IQCH: variants seen among roughly 807,000 people sequenced by gnomAD.
IQCH encodes IQ motif containing H, also known as IQ domain-containing protein H.
IQCH carries 98 observed loss-of-function variants against 117.0 expected under a neutral mutation model. The ratio of observed to expected loss-of-function variants is 0.84; its 90% confidence interval spans 0.71 to 0.99. IQCH has a LOEUF of 0.99. Ranked by LOEUF, IQCH falls within the 50% of genes least tolerant of loss-of-function variation. IQCH has a pLI of 0.00. For missense variants in IQCH, 1,102 were observed against 1,243.8 expected, an observed-to-expected ratio of 0.89 and a Z score of 1.72; for synonymous variants, 412 against 448.2, an observed-to-expected ratio of 0.92 and a Z score of 1.02.
rs910037749 is a variant in IQCH at position 67,369,561 on chromosome 15, G to A, written c.754-2550G>A. ...AGGAGGGAGGGAGGAAGGAAGAAAA[G>A]GAAGGAGGGAGGAAAGAAGGCAGAG... On this transcript the variant is annotated intron_variant, in intron 8 of 20. Transcript: ENST00000335894. The surrounding 1 kb of genome is among the most constrained non-coding windows in gnomAD (Gnocchi z 5.2). Among the ~76,000 whole-genome samples the A allele has an allele frequency of 2.0e-5, 3 of 151,472 alleles. No individual in the cohort carries two copies. The highest frequency in any genetic ancestry group is 2.9e-5 in the Non-Finnish European group (2 of 67,882).
At position 67,479,393 on chromosome 15, in the gene IQCH, T is replaced by C. The variant is rs1041701138; in HGVS notation, c.2799+3575T>C. On this transcript the variant is annotated intron_variant, in intron 18 of 20. Coordinates refer to ENST00000335894, the MANE Select transcript of IQCH (RefSeq NM_001031715.3). This position sits in a 1 kb window ranked among gnomAD's most constrained non-coding sequence, Gnocchi z 4.6. ...ATGATTCTTCGTCTTACACAAGGTG[T>C]CCCCTATATAAGCCCTTTTCCCCCT... Among the ~76,000 whole-genome samples the C allele has an allele frequency of 6.6e-6, 1 of 152,158 alleles. No homozygotes were observed. Among genetic ancestry groups the C allele is most frequent in the Non-Finnish European group, 1.5e-5 (1 of 68,038 alleles).
At position 67,422,173 on chromosome 15, in the gene IQCH, T is replaced by C. The variant is rs1004597495; in HGVS notation, c.2505+596T>C. ...TCTTTTGATTAGGCCCTCAATTCTG[T>C]CCATTAGTGTTATCCCTATGTATCA... On this transcript the variant is annotated intron_variant, in intron 16 of 20. Coordinates refer to ENST00000335894, the MANE Select transcript of IQCH (RefSeq NM_001031715.3). This position sits in a 1 kb window ranked among gnomAD's most constrained non-coding sequence, Gnocchi z 4.7. 6.6e-6 allele frequency among the ~76,000 whole-genome samples: 1 copy of C among 152,024 alleles called. No individual in the cohort carries two copies. Among genetic ancestry groups the C allele is most frequent in the African/African-American group, 2.4e-5 (1 of 41,396 alleles).
intron 4 of IQCH, among the ~76,000 whole-genome samples, chr15:67,285,763 G>A (rs1966539078): frequency 6.6e-6 from 1 of 152,006 alleles, no homozygotes; most frequent in Middle Eastern, 3.2e-3. Context: ...GAGAGTTGTA[G>A]GTGTGCAGTC....
rs1266411792 is a variant in IQCH at position 67,459,296 on chromosome 15, G to A, written c.2506-5831G>A. ...CTGAAATCCTGATTCTTCAGTGAGT[G>A]TTATTTGATCTATAAATTAGTCTCT... On this transcript the variant is annotated intron_variant, in intron 16 of 20. Coordinates refer to ENST00000335894, the MANE Select transcript of IQCH (RefSeq NM_001031715.3). The surrounding 1 kb of genome is among the most constrained non-coding windows in gnomAD (Gnocchi z 4.2). Among the ~76,000 whole-genome samples, 1 of 152,188 alleles carries A rather than the reference G, an allele frequency of 6.6e-6. No individual in the cohort carries two copies. The highest frequency in any genetic ancestry group is 1.5e-5 in the Non-Finnish European group (1 of 68,034).
chr15:67,309,966 A>G (rs2140557920), intron 4 of IQCH, among the ~76,000 whole-genome samples: 1 of 151,174 alleles, frequency 6.6e-6, no homozygotes, highest in Middle Eastern at 3.4e-3. Context: ...CTGGCACATA[A>G]TGGGTACCTA....
At position 67,370,065 on chromosome 15, in the gene IQCH, G is replaced by A. The variant is rs1388198558; in HGVS notation, c.754-2046G>A. On this transcript the variant is annotated intron_variant, in intron 8 of 20. Transcript: ENST00000335894. This position sits in a 1 kb window ranked among gnomAD's most constrained non-coding sequence, Gnocchi z 5.6. ...AAATTTTGCTCCCACTGCCACCCAA[G>A]GCTGTTCTTTCAGAAGGTCTAAAAT... 2.6e-5 allele frequency among the ~76,000 whole-genome samples: 4 copies of A among 152,148 alleles called. No individual in the cohort carries two copies. The highest frequency in any genetic ancestry group is 5.9e-5 in the Non-Finnish European group (4 of 68,032).
At chr15:67,286,608 T>TTATG (rs1966571600) in intron 4 of IQCH, among the ~76,000 whole-genome samples, 4 of 99,524 alleles carry the variant, frequency 4.0e-5, no homozygotes, top group South Asian at 4.0e-4. Context: ...ATTTATTTAT[T>TTATG]TATTTATGTA....
rs1192359812 is a variant in IQCH at position 67,384,399 on chromosome 15, C to G, written c.1373-537C>G. Among the ~76,000 whole-genome samples, 2 of 152,116 alleles carry G rather than the reference C, an allele frequency of 1.3e-5. No individual in the cohort carries two copies. Among genetic ancestry groups the G allele is most frequent in the Non-Finnish European group, 2.9e-5 (2 of 68,010 alleles). On this transcript the variant is annotated intron_variant, in intron 10 of 20. Transcript: ENST00000335894. This position sits in a 1 kb window ranked among gnomAD's most constrained non-coding sequence, Gnocchi z 4.3. ...TGACAAAGTAACTGCATTAGCTCTT[C>G]TTGCCCTTTGAAAGTTAAAAGTTCT... is the stretch of plus-strand genomic sequence containing the variant.
intron 4 of IQCH, among the ~76,000 whole-genome samples, chr15:67,282,889 ATTGT>A (rs1966420471): frequency 6.6e-6 from 1 of 152,170 alleles, no homozygotes; most frequent in African/African-American, 2.4e-5. Context: ...GTAATTTAGA[ATTGT>A]TTATTAAGCC....
intron 4 of IQCH, among the ~76,000 whole-genome samples, chr15:67,334,577 C>T (rs978135840): frequency 2.6e-5 from 4 of 152,206 alleles, no homozygotes; most frequent in Non-Finnish European, 5.9e-5. Flanking sequence ...TTAACTTTGG[C>T]TACGCATCAG....
At position 67,432,095 on chromosome 15, in the gene IQCH, C is replaced by T. The variant is rs767300819; in HGVS notation, c.2505+10518C>T. Among the ~76,000 whole-genome samples the T allele has an allele frequency of 3.9e-5, 6 of 152,066 alleles. No homozygotes were observed. Among genetic ancestry groups the T allele is most frequent in the Admixed American group, 2.6e-4 (4 of 15,278 alleles). On this transcript the variant is annotated intron_variant, in intron 16 of 20. Coordinates refer to ENST00000335894, the MANE Select transcript of IQCH (RefSeq NM_001031715.3). The surrounding 1 kb of genome is among the most constrained non-coding windows in gnomAD (Gnocchi z 5.0). ...TAGATAATTGTGAACTTTGAAACAA[C>T]AATCTGTATTATAAGCATTGATAGT... is the stretch of plus-strand genomic sequence containing the variant.
intron 19 of IQCH, among the ~76,000 whole-genome samples, chr15:67,492,496 A>G (rs1296830115): frequency 6.6e-6 from 1 of 152,180 alleles, no homozygotes; most frequent in African/African-American, 2.4e-5. Context: ...CATCCTGAGA[A>G]GCAACCAGCT....
At position 67,387,510 on chromosome 15, in the gene IQCH, A is replaced by G. The variant is rs1971144630; in HGVS notation, c.1457-1321A>G. 6.6e-6 allele frequency among the ~76,000 whole-genome samples: 1 copy of G among 152,170 alleles called. No homozygotes were observed. Among genetic ancestry groups the G allele is most frequent in the African/African-American group, 2.4e-5 (1 of 41,450 alleles). The stretch of plus-strand genomic sequence containing the variant: ...TTAAGGAGCTTGGAAAGACAAGATT[A>G]ATAGATTGGAAACAATAGGATAGAA... On this transcript the variant is annotated intron_variant, in intron 11 of 20. Transcript: ENST00000335894. The surrounding 1 kb of genome is among the most constrained non-coding windows in gnomAD (Gnocchi z 4.8).
chr15:67,418,575 T>TA (rs1293776800), intron 15 of IQCH, among the ~76,000 whole-genome samples: 1 of 123,288 alleles, frequency 8.1e-6, no homozygotes, highest in Non-Finnish European at 1.8e-5. Flanking sequence ...AGGGTGTTTT[T>TA]ACTTTTTTTT....
intron 18 of IQCH, among the ~76,000 whole-genome samples, chr15:67,482,984 G>A (rs770292620): frequency 1.2e-4 from 19 of 152,260 alleles, no homozygotes; most frequent in Middle Eastern, 3.4e-3. Flanking sequence ...TGTTTTATGG[G>A]ATAAGAAAAA....
At chr15:67,259,366 C>T (rs969670282) in intron 1 of IQCH, among the ~76,000 whole-genome samples, 1 of 152,192 alleles carries the variant, frequency 6.6e-6, no homozygotes, top group East Asian at 1.9e-4. Flanking sequence ...ACCTCATTTT[C>T]ATTCAACAGT....
chr15:67,420,710 CAG>C (rs1177656979), intron 15 of IQCH, among the ~76,000 whole-genome samples: 2 of 152,206 alleles, frequency 1.3e-5, no homozygotes, highest in African/African-American at 4.8e-5. Context: ...TCATTATCAG[CAG>C]AGAGAGCATA....
In IQCH at chr15:67,342,053, T is replaced by C. The variant is rs1384534733; in HGVS notation, c.509-2010T>C. On this transcript the variant is annotated intron_variant, in intron 5 of 20. Coordinates refer to ENST00000335894, the MANE Select transcript of IQCH (RefSeq NM_001031715.3). This position sits in a 1 kb window ranked among gnomAD's most constrained non-coding sequence, Gnocchi z 4.7. The stretch of plus-strand genomic sequence containing the variant: ...TGGGAGGCCAAGGCAGGAAGATTGC[T>C]TGAAACCGGGAGTTCAAGACTAGCC... Among the ~76,000 whole-genome samples, 1 of 151,942 alleles carries C rather than the reference T, an allele frequency of 6.6e-6. No homozygotes were observed. The highest frequency in any genetic ancestry group is 1.9e-4 in the East Asian group (1 of 5,176).
chr15:67,388,895 C>T lies in IQCH; in HGVS notation c.1521C>T (p.Tyr507=), dbSNP rs138548169. The change falls in exon 12 of 21, where the codon TAC becomes TAT. Residue 507 remains tyrosine, a synonymous_variant. Transcript: ENST00000335894. This position sits in a 1 kb window ranked among gnomAD's most constrained non-coding sequence, Gnocchi z 5.5. ...HHMNDELVLY[Y]KKILSLHAAV... ...TGAATGACGAGTTAGTGCTGTATTA[C>T]AAAAAAATCCTAAGTCTACATGCAG... 14 of 1,613,584 alleles carry T rather than the reference C, an allele frequency of 8.7e-6. No homozygotes were observed. In the African/African-American group the frequency reaches 1.9e-4, roughly 22 times the overall value.
Sources: allele counts gnomAD v4.1 joint callset (sites outside exome capture counted in the v4.1 genomes callset), GRCh38; gene constraint gnomAD v4.1.1; non-coding constraint Gnocchi (gnomAD v3.1); transcripts MANE v1.5; gene names NCBI Gene and HGNC (gene_info 2026-07-23, HGNC 2026-07-21).